MDGA2: variants seen among roughly 807,000 people sequenced by gnomAD.
MDGA2 encodes MAM domain containing glycosylphosphatidylinositol anchor 2.
MDGA2 carries 40 observed loss-of-function variants against 117.8 expected under a neutral mutation model. The ratio of observed to expected loss-of-function variants is 0.34; its 90% CI spans 0.26 to 0.44. MDGA2 has a LOEUF of 0.44. MDGA2 is among the 20% of genes least tolerant of loss of function. The pLI is 1.00. For missense variants in MDGA2, 1,123 were observed against 1,250.6 expected (o/e 0.90, Z 1.54); for synonymous variants, 452 against 439.0 (o/e 1.03, Z -0.37).
intron 4 of MDGA2, among the ~76,000 whole-genome samples, chr14:47,133,089 T>G (rs1015786320): frequency 6.6e-6 from 1 of 150,906 alleles, no homozygotes; most frequent in African/African-American, 2.4e-5. Context: ...GTCACCCCTT[T>G]AGCATTTTCC....
chr14:47,112,383 G>A (rs1039438811), intron 5 of MDGA2, among the ~76,000 whole-genome samples: 2 of 152,122 alleles, frequency 1.3e-5, no homozygotes, highest in African/African-American at 4.8e-5. Context: ...GCTATTTATC[G>A]TGATGCTCTC....
At chr14:47,342,172 C>G (rs1338542199) in intron 1 of MDGA2, among the ~76,000 whole-genome samples, 4 of 151,452 alleles carry the variant, frequency 2.6e-5, no homozygotes, top group African/African-American at 4.9e-5. Context: ...CATTCATAAG[C>G]TAGGCCTATG....
chr14:47,401,109 C>G (rs1892138922), intron 1 of MDGA2, among the ~76,000 whole-genome samples: 1 of 151,276 alleles, frequency 6.6e-6, no homozygotes, highest in Non-Finnish European at 1.5e-5. Flanking sequence ...CTTCATTTGT[C>G]TAATTAACAG....
At chr14:47,459,072 T>C (rs1893425858) in intron 1 of MDGA2, among the ~76,000 whole-genome samples, 1 of 151,980 alleles carries the variant, frequency 6.6e-6, no homozygotes, top group Non-Finnish European at 1.5e-5. Context: ...TAAATGCCTA[T>C]GGCTCAGCCT....
intron 1 of MDGA2, among the ~76,000 whole-genome samples, chr14:47,528,137 C>A (rs1895011049): frequency 6.6e-6 from 1 of 152,154 alleles, no homozygotes; most frequent in Non-Finnish European, 1.5e-5. Flanking sequence ...ACCACCACAT[C>A]CTTTTCACAA....
In MDGA2 at chr14:46,957,452, A is replaced by C. The variant is rs371138529; in HGVS notation, c.2011T>G (p.Ser671Ala). Residue 671 changes from serine (S) to alanine (A), a missense_variant, in exon 9 of 17, where the codon TCC becomes GCC. By Grantham distance (99) the Ser-to-Ala change is moderately conservative. Around this residue, in one of 2 missense-constraint regions of MDGA2, gnomAD observed 890 missense variants for 1,050.3 expected, o/e 0.85. Transcript: ENST00000399232. ...TTATAAACCCCATAGTTTTCATTGG[A>C]AAGACTCTTCACAGCGTACTCTGTG... Reference protein sequence around the residue: ...EYTEYAVKSLSNENYGVYNCS... With the variant: ...EYTEYAVKSLANENYGVYNCS... 1 of 1,614,116 alleles carries C rather than the reference A, an allele frequency of 6.2e-7. No homozygotes were observed. The highest frequency in any genetic ancestry group is 1.7e-5 in the Admixed American group (1 of 60,002).
intron 1 of MDGA2, among the ~76,000 whole-genome samples, chr14:47,371,022 C>G (rs991288498): frequency 1.3e-5 from 2 of 151,698 alleles, no homozygotes; most frequent in Non-Finnish European, 3.0e-5. Context: ...ACTTGAAAAA[C>G]TTCTTTAAAA....
chr14:47,543,100 A>C (rs1354189406), intron 1 of MDGA2, among the ~76,000 whole-genome samples: 1 of 152,108 alleles, frequency 6.6e-6, no homozygotes. Context: ...AGTCCCAGCT[A>C]CTTGGGAGCT....
chr14:47,610,637 G>A (rs551588301), intron 1 of MDGA2, among the ~76,000 whole-genome samples: 1 of 152,092 alleles, frequency 6.6e-6, no homozygotes, highest in East Asian at 1.9e-4. Flanking sequence ...GGAGGTGTAA[G>A]ACCTCCACAA....
intron 3 of MDGA2, among the ~76,000 whole-genome samples, chr14:47,199,964 C>T (rs1431524381): frequency 1.3e-5 from 2 of 151,218 alleles, no homozygotes; most frequent in African/African-American, 2.4e-5. Flanking sequence ...ATACAGATGA[C>T]ATAAGAACCC....
At chr14:47,322,132 A>T (rs112370678) in intron 1 of MDGA2, among the ~76,000 whole-genome samples, 1 of 152,156 alleles carries the variant, frequency 6.6e-6, no homozygotes, top group African/African-American at 2.4e-5. Context: ...TCCTGTTAAC[A>T]GTGTTATATT....
intron 8 of MDGA2, among the ~76,000 whole-genome samples, chr14:46,990,010 T>G (rs1170013101): frequency 6.6e-6 from 1 of 152,128 alleles, no homozygotes; most frequent in Admixed American, 6.6e-5. Flanking sequence ...GGACAGGCTG[T>G]CACTAAAGAA....
chr14:47,081,112 T>C (rs188199115), intron 6 of MDGA2, among the ~76,000 whole-genome samples: 1 of 152,272 alleles, frequency 6.6e-6, no homozygotes, highest in Admixed American at 6.5e-5. Context: ...TTTTACATTG[T>C]TGACAACACC....
intron 1 of MDGA2, among the ~76,000 whole-genome samples, chr14:47,464,100 T>TACACACACAC (rs71449610): frequency 7.9e-4 from 112 of 141,594 alleles, no homozygotes; most frequent in African/African-American, 1.4e-3. Flanking sequence ...ACTTACTATG[T>TACACACACAC]ACACACACAC....
At position 47,146,491 on chromosome 14, in the gene MDGA2, A is replaced by C. The variant is rs117644722; in HGVS notation, c.596-2217T>G. Among the ~76,000 whole-genome samples the C allele has an allele frequency of 2.1e-3, 327 of 152,298 alleles. 2 individuals carry two copies. Among genetic ancestry groups the C allele is most frequent in the Non-Finnish European group, 3.7e-3 (252 of 68,008 alleles). ...AGGGATACCAGCATCATTATCATAAAATGTTTTGAGATTTTTAAAACCTAT... is the reference window on the plus strand; with the variant it reads ...AGGGATACCAGCATCATTATCATAACATGTTTTGAGATTTTTAAAACCTAT... On this transcript the variant is annotated intron_variant, in intron 3 of 16. Coordinates refer to ENST00000399232, the MANE Select transcript of MDGA2 (RefSeq NM_001113498.3).
chr14:47,255,694 T>A (rs999772108), intron 2 of MDGA2, among the ~76,000 whole-genome samples: 12 of 152,096 alleles, frequency 7.9e-5, no homozygotes, highest in African/African-American at 2.4e-4. Flanking sequence ...GTTTAATAGG[T>A]GCATTAGCTT....
At chr14:47,326,676 T>G (rs1254861754) in intron 1 of MDGA2, among the ~76,000 whole-genome samples, 1 of 112,392 alleles carries the variant, frequency 8.9e-6, no homozygotes, top group Non-Finnish European at 2.0e-5. Flanking sequence ...CTGAAGCCAG[T>G]AAGATAGTAT....
chr14:47,072,109 G>GGC (rs1555349479), intron 6 of MDGA2, among the ~76,000 whole-genome samples: 2 of 133,116 alleles, frequency 1.5e-5, no homozygotes, highest in Non-Finnish European at 3.2e-5. Context: ...TTTGGGGGGG[G>GGC]GGGGGTTTGC....
At chr14:47,302,492 G>A (rs1194750538) in intron 1 of MDGA2, among the ~76,000 whole-genome samples, 1 of 152,122 alleles carries the variant, frequency 6.6e-6, no homozygotes, top group Admixed American at 6.5e-5. Context: ...ATATCTTCAT[G>A]TAAAGGACAG....
Sources: gnomAD v4.1 joint callset for allele counts (sites outside exome capture counted in the v4.1 genomes callset) on GRCh38, gnomAD v4.1.1 for gene constraint, gnomAD v4.1.1 regional missense constraint, MANE v1.5 for transcripts, NCBI Gene and HGNC (gene_info 2026-07-23, HGNC 2026-07-21) for gene names.